NFKB1: variants seen among roughly 807,000 people sequenced by gnomAD.
NFKB1 encodes the protein nuclear factor NF-kappa-B p105 subunit.
Under a neutral mutation model 105.1 loss-of-function variants are expected in NFKB1, and 9 were observed. That is an observed-to-expected ratio of 0.09 (90% CI 0.05 to 0.15). The LOEUF (loss-of-function observed/expected upper bound fraction) is 0.15, where lower values mean the gene tolerates loss of function less well. Ranked by LOEUF, NFKB1 falls within the 10% of genes least tolerant of loss-of-function variation. The probability of loss-of-function intolerance (pLI) is 1.00; values close to 1 mark genes in which losing one functional copy is unlikely to be tolerated. For missense variants in NFKB1, 830 were observed against 1,203.7 expected (o/e 0.69, Z 4.59); for synonymous variants, 440 against 442.2 (o/e 1.00, Z 0.06).
At chr4:102,510,783 G>C (rs1157700288) in intron 1 of NFKB1, 2 of 237,234 alleles carry the variant, frequency 8.4e-6, no homozygotes, top group African/African-American at 4.6e-5. Context: ...TTAAATGCTA[G>C]ATTGATTCAA....
intron 5 of NFKB1, among the ~76,000 whole-genome samples, chr4:102,563,885 G>A (rs1723637783): frequency 7.2e-6 from 1 of 138,728 alleles, no homozygotes; most frequent in African/African-American, 2.7e-5. Context: ...GCAGTGTCTT[G>A]ATCTTGGCTC....
At chr4:102,548,503 C>T (rs1722313628) in intron 5 of NFKB1, among the ~76,000 whole-genome samples, 1 of 152,152 alleles carries the variant, frequency 6.6e-6, no homozygotes, top group African/African-American at 2.4e-5. Flanking sequence ...GAAAGTCCAG[C>T]TTATATTCAG....
At position 102,607,711 on chromosome 4, in the gene NFKB1, G is replaced by A. The variant is rs200845765; in HGVS notation, c.2187G>A (p.Gly729=). 4.3e-6 allele frequency: 7 copies of A among 1,614,182 alleles called. No homozygotes were observed. The highest frequency in any genetic ancestry group is 5.1e-6 in the Non-Finnish European group (6 of 1,180,022). The change falls in exon 19 of 24, where the codon GGG becomes GGA. Residue 729 remains glycine, a synonymous_variant. Transcript: ENST00000226574. ...DGTTPLHIAA[G]RGSTRLAALL... The stretch of plus-strand genomic sequence containing the variant: ...CCACACCCCTGCATATAGCAGCTGG[G>A]AGAGGGTCCACCAGGCTGGCAGCTC...
At chr4:102,584,162 A>G (rs1300581642) in intron 10 of NFKB1, among the ~76,000 whole-genome samples, 1 of 152,130 alleles carries the variant, frequency 6.6e-6, no homozygotes, top group Non-Finnish European at 1.5e-5. Flanking sequence ...CTGTGAATAT[A>G]TTACATAGTC....
At chr4:102,583,011 A>C in intron 10 of NFKB1, 54 bp downstream of exon 10, 3 of 1,245,494 alleles carry the variant, frequency 2.4e-6, no homozygotes, top group Non-Finnish European at 3.5e-6. Flanking sequence ...ATGGGATCTC[A>C]CTCTGACACC....
At chr4:102,539,556 G>A (rs1220632337) in intron 5 of NFKB1, among the ~76,000 whole-genome samples, 2 of 152,234 alleles carry the variant, frequency 1.3e-5, no homozygotes, top group Middle Eastern at 3.4e-3. Context: ...AGCAGACCAC[G>A]GTCTTATGGC....
chr4:102,613,337 GA>G, intron 22 of NFKB1, 87 bp from the exon 23 acceptor site: 1 of 1,402,772 alleles, frequency 7.1e-7, no homozygotes, highest in Non-Finnish European at 9.9e-7. Context: ...AGGCAGCATG[GA>G]AGAGGGAAGG....
At position 102,600,967 on chromosome 4, in the gene NFKB1, G is replaced by C. The variant is rs200626732; in HGVS notation, c.1710G>C (p.Leu570Phe). Residue 570 changes from leucine to phenylalanine, a missense_variant, in exon 16 of 24, where the codon TTG becomes TTC. Around this residue, in one of 8 missense-constraint regions of NFKB1, gnomAD observed 418 missense variants for 575.3 expected, o/e 0.73. Transcript: ENST00000226574. ...VRDLLEVTSG[L>F]ISDDIINMRN... ...ATCTACTAGAAGTCACATCTGGTTTGATTTCTGATGACATTATCAACATGA... is the reference window on the plus strand; with the variant it reads ...ATCTACTAGAAGTCACATCTGGTTTCATTTCTGATGACATTATCAACATGA... 1.2e-6 allele frequency: 2 copies of C among 1,611,426 alleles called. No homozygotes were observed. The highest frequency in any genetic ancestry group is 3.3e-5 in the Admixed American group (2 of 59,954).
chr4:102,612,332 G>A (rs1471744063), intron 21 of NFKB1, 102 bp from the exon 22 acceptor site: 1 of 1,281,286 alleles, frequency 7.8e-7, no homozygotes, highest in African/African-American at 1.5e-5. Flanking sequence ...AGCTTGGTTG[G>A]TTCCACTGGG....
At chr4:102,606,720 T>C (rs773141318) in intron 17 of NFKB1, 23 bp downstream of exon 17, 1 of 1,601,756 alleles carries the variant, frequency 6.2e-7, no homozygotes, top group South Asian at 1.1e-5. Context: ...CACACATCAT[T>C]GGTGTAACTT....
At chr4:102,544,346 C>T (rs1325196362) in intron 5 of NFKB1, among the ~76,000 whole-genome samples, 1 of 152,034 alleles carries the variant, frequency 6.6e-6, no homozygotes, top group African/African-American at 2.4e-5. Flanking sequence ...CAACACATAG[C>T]CCAGAAAGCC....
rs1206753396 is a variant in NFKB1, at chr4:102,615,748, C to T, written c.2750-686C>T. The stretch of plus-strand genomic sequence containing the variant: ...GTCAATACCAAAATGATAGTCGTGC[C>T]ACTGGCATTAAAGTCTTAATATTCT... On this transcript the variant is annotated intron_variant, in intron 23 of 23. Transcript: ENST00000226574. Among the ~76,000 whole-genome samples the T allele has an allele frequency of 2.6e-5, 4 of 152,110 alleles. No homozygotes were observed. In the East Asian group the frequency reaches 5.8e-4, roughly 22 times the overall value.
In NFKB1 at chr4:102,521,699, G is replaced by T. The variant is rs1402245889; in HGVS notation, c.-7-3813G>T. On this transcript the variant is annotated intron_variant, in intron 1 of 23. Coordinates refer to ENST00000226574, the MANE Select transcript of NFKB1 (RefSeq NM_003998.4). ...ACTCCATCCTTAATGGCTCAATTCT[G>T]TGGCTTTCAAGTTAATCCACTCAGT... Among the ~76,000 whole-genome samples the T allele has an allele frequency of 8.5e-5, 13 of 152,226 alleles. No individual in the cohort carries two copies. The East Asian group carries it at 1.4e-3, about 16-fold the overall frequency.
chr4:102,557,573 G>A (rs1017317178), intron 5 of NFKB1, among the ~76,000 whole-genome samples: 4 of 152,170 alleles, frequency 2.6e-5, no homozygotes, highest in African/African-American at 9.7e-5. Flanking sequence ...TCAAAGAAGG[G>A]CCCTCTCATT....
At chr4:102,594,105 A>G (rs916473685) in intron 12 of NFKB1, among the ~76,000 whole-genome samples, 4 of 152,168 alleles carry the variant, frequency 2.6e-5, no homozygotes, top group Admixed American at 6.5e-5. Flanking sequence ...TTGCAATACT[A>G]TTTTACTATC....
intron 5 of NFKB1, among the ~76,000 whole-genome samples, chr4:102,550,988 T>A (rs1287571921): frequency 6.6e-6 from 1 of 152,218 alleles, no homozygotes; most frequent in Non-Finnish European, 1.5e-5. Context: ...GTTGTTCTAT[T>A]AATTTTTAAA....
chr4:102,509,504 G>A (rs1196790880), intron 1 of NFKB1, among the ~76,000 whole-genome samples: 1 of 152,186 alleles, frequency 6.6e-6, no homozygotes, highest in African/African-American at 2.4e-5. Flanking sequence ...CTGAGTATCT[G>A]TTGAACTGTA....
At chr4:102,590,588 T>G (rs1726087481) in intron 11 of NFKB1, among the ~76,000 whole-genome samples, 1 of 88,070 alleles carries the variant, frequency 1.1e-5, no homozygotes. Context: ...TCTTTGATGT[T>G]TTGGGGGTAC....
At chr4:102,505,099 G>C (rs780308114) in intron 1 of NFKB1, among the ~76,000 whole-genome samples, 1 of 152,228 alleles carries the variant, frequency 6.6e-6, no homozygotes, top group South Asian at 2.1e-4. Flanking sequence ...GTTGTTCCTG[G>C]GTGCAAATTA....
Sources: gnomAD v4.1 joint callset for allele counts (sites outside exome capture counted in the v4.1 genomes callset) on GRCh38, gnomAD v4.1.1 for gene constraint, gnomAD v4.1.1 regional missense constraint, MANE v1.5 for transcripts, NCBI Gene and HGNC (gene_info 2026-07-23, HGNC 2026-07-21) for gene names.